The following TTN variants were observed in gnomAD, a reference collection of about 807,000 sequenced individuals.
TTN encodes the protein connectin.
Under a neutral mutation model 3,223.0 loss-of-function variants are expected in TTN, and 1,525 were observed. The observed-to-expected ratio is 0.47, with a 90% CI of 0.45 to 0.49. The LOEUF is 0.49. TTN is among the 20% of genes least tolerant of loss of function. The pLI is 0.00. For missense variants in TTN, 40,786 were observed against 43,424.0 expected (o/e 0.94, Z 5.40); for synonymous variants, 14,094 against 15,161.0 (o/e 0.93, Z 5.17).
chr2:178,647,580 G>T, intron 213 of TTN, 116 bp from the exon 214 acceptor site: 2 of 957,766 alleles, frequency 2.1e-6, no homozygotes, highest in Non-Finnish European at 3.1e-6. Flanking sequence ...TGGGGAAAAT[G>T]GCTTCTGAGA....
At chr2:178,774,180 C>T (rs2091926767) in intron 30 of TTN, 27 bp downstream of exon 30, 2 of 1,614,110 alleles carry the variant, frequency 1.2e-6, no homozygotes, top group Admixed American at 1.7e-5. Context: ...ATGCTCACTG[C>T]AGGCTGACAG....
chr2:178,770,361 T>C (rs1487786450), intron 35 of TTN, 41 bp from the exon 36 acceptor site: 2 of 1,614,142 alleles, frequency 1.2e-6, no homozygotes, highest in Non-Finnish European at 8.5e-7. Flanking sequence ...AGGGTTAACT[T>C]AATGGTAACC....
chr2:178,700,811 TA>T (rs1560488907), intron 111 of TTN, among the ~76,000 whole-genome samples: 1 of 150,770 alleles, frequency 6.6e-6, no homozygotes, highest in East Asian at 1.9e-4. Flanking sequence ...TTGGTTCCAT[TA>T]TTCTTTTTGT....
rs778684724 is a variant in TTN, at chr2:178,717,384, T to C, written c.25352-2A>G. The C allele has an allele frequency of 6.2e-7, 1 of 1,601,540 alleles. No homozygotes were observed. On this transcript the variant is annotated splice_acceptor_variant, in intron 87 of 362. Coordinates refer to ENST00000589042, the MANE Select transcript of TTN (RefSeq NM_001267550.2). LOFTEE classifies it high-confidence loss of function. ...CAAAGAAAGGAGGCACTTCATGCTC[T>C]GAAAAGAATGAAGACCAACATGGTG...
In TTN at chr2:178,702,626, G is replaced by T. The variant is rs1486425150; in HGVS notation, c.30261C>A (p.Ile10087=). Residue 10087 remains isoleucine, a synonymous_variant, in exon 107 of 363, where the codon ATC becomes ATA. Transcript: ENST00000589042. Reference sequence around the variant, plus strand: ...TGGCAGACTGATGCTCACTCACCACGATGTTCTGTATGCGCTTTGTAAACT... The same window carrying T: ...TGGCAGACTGATGCTCACTCACCACTATGTTCTGTATGCGCTTTGTAAACT... ...PIQFTKRIQN[I]VVSEHQSATF... is the part of the protein sequence containing the mutation. The T allele has an allele frequency of 6.2e-7, 1 of 1,613,964 alleles. No individual in the cohort carries two copies. Among genetic ancestry groups the T allele is most frequent in the South Asian group, 1.1e-5 (1 of 91,078 alleles).
rs2742351 is a variant in TTN at position 178,677,172 on chromosome 2, C to G, written c.34378+29G>C. ...TTTATGTGACCAAGCTATGGGTGAA[C>G]AATGTGTATTCACTTTGGGGAGGTG... On this transcript the variant is annotated intron_variant, in intron 147 of 362. Coordinates refer to ENST00000589042, the MANE Select transcript of TTN (RefSeq NM_001267550.2). 0.73 allele frequency: 881,183 copies of G among 1,208,080 alleles called. 322,805 individuals carry two copies. Among genetic ancestry groups the G allele is most frequent in the South Asian group, 0.86 (20,570 of 23,942 alleles). 74.8% of individuals were successfully genotyped at this position (1,208,080 alleles called of 1,614,324 possible). A position where few individuals can be genotyped will look rare whatever the true frequency, so the allele number is the denominator to read the frequency against.
chr2:178,698,302 G>A (rs995180399), intron 112 of TTN, among the ~76,000 whole-genome samples: 2 of 152,138 alleles, frequency 1.3e-5, no homozygotes, highest in Admixed American at 1.3e-4. Flanking sequence ...CTTTTCTTGA[G>A]ATCTGTTGCA....
intron 2 of TTN, among the ~76,000 whole-genome samples, chr2:178,803,471 A>G (rs2094163560): frequency 6.6e-6 from 1 of 151,806 alleles, no homozygotes; most frequent in African/African-American, 2.4e-5. Flanking sequence ...ATATAGACCA[A>G]TGAAAAGGGA....
intron 257 of TTN, 72 bp downstream of exon 257, chr2:178,616,407 A>T (rs2057352039): frequency 1.3e-6 from 2 of 1,579,736 alleles, no homozygotes; most frequent in African/African-American, 2.7e-5. Context: ...AGACTTTTGT[A>T]TGGCATCCCA....
rs267599059 is a variant in TTN, at chr2:178,720,255, C to T, written c.23387G>A (p.Arg7796Gln). Reference protein sequence around the residue: ...SCSVKFKEPPRFVKKLSDTST... With the variant: ...SCSVKFKEPPQFVKKLSDTST... ...GGTGTCACTTAGCTTTTTCACGAATCGTGGAGGTTCTGATGAAAGAAATTT... is the reference window on the plus strand; with the variant it reads ...GGTGTCACTTAGCTTTTTCACGAATTGTGGAGGTTCTGATGAAAGAAATTT... Residue 7796 changes from arginine (R) to glutamine (Q), a missense_variant, in exon 81 of 363, where the codon CGA becomes CAA. Arg to Gln is a conservative substitution (Grantham distance 43, BLOSUM62 1). Transcript: ENST00000589042. 3.9e-5 allele frequency: 62 copies of T among 1,607,882 alleles called. No homozygotes were observed. The African/African-American group carries it at 5.5e-4, about 14-fold the overall frequency.
intron 159 of TTN, among the ~76,000 whole-genome samples, chr2:178,668,553 A>C (rs1045394452): frequency 2.6e-5 from 4 of 151,972 alleles, no homozygotes; most frequent in African/African-American, 9.7e-5. Context: ...CAACATGGTA[A>C]AACCCTGTCT....
In TTN at chr2:178,670,256, A is replaced by G. The variant is rs1232161503; in HGVS notation, c.35348T>C (p.Val11783Ala). Residue 11783 changes from valine to alanine, a missense_variant, in exon 157 of 363, where the codon GTA (valine) becomes GCA (alanine). Physicochemically the swap from Val to Ala is moderately conservative, Grantham distance 64 (BLOSUM62 0). Transcript: ENST00000589042. ...VPKKIVVEEKVRVPEEPRVPP... is the reference protein window; with the variant it reads ...VPKKIVVEEKARVPEEPRVPP... The stretch of plus-strand genomic sequence containing the variant: ...AACTCTGGGCTCTTCAGGAACACGT[A>G]CTTTTTCTTCTACCACAATTTTCTT... 1.3e-6 allele frequency: 2 copies of G among 1,495,882 alleles called. No individual in the cohort carries two copies. The highest frequency in any genetic ancestry group is 2.4e-5 in the Admixed American group (1 of 41,568). 92.7% of individuals were successfully genotyped at this position (1,495,882 alleles called of 1,614,324 possible). A position where few individuals can be genotyped will look rare whatever the true frequency, so the allele number is the denominator to read the frequency against.
chr2:178,764,041 A>T, intron 43 of TTN, 136 bp downstream of exon 43: 7 of 1,300,746 alleles, frequency 5.4e-6, no homozygotes, highest in Non-Finnish European at 7.7e-6. Flanking sequence ...AATTGAAATA[A>T]GTTTTCTGTT....
At chr2:178,764,058 C>G (rs1400683610) in intron 43 of TTN, 119 bp downstream of exon 43, 2 of 1,442,606 alleles carry the variant, frequency 1.4e-6, no homozygotes, top group Non-Finnish European at 1.9e-6. Context: ...TGTTAGATTT[C>G]CATTAAGCTT....
In TTN at chr2:178,632,590, T is replaced by C; in HGVS notation, c.43416A>G (p.Glu14472=). 5.0e-6 allele frequency: 8 copies of C among 1,613,468 alleles called. No homozygotes were observed. The highest frequency in any genetic ancestry group is 6.8e-6 in the Non-Finnish European group (8 of 1,179,578). The stretch of plus-strand genomic sequence containing the variant: ...CTTCAAACATGTATTTTGCTTCATC[T>C]TCAAAAGCAGCTGACTTGATCACCA... ...HSMVIKSAAF[E]DEAKYMFEAE... The change falls in exon 235 of 363, where the codon GAA becomes GAG. Residue 14472 remains glutamate, a synonymous_variant. Transcript: ENST00000589042.
rs972874110 is a variant in TTN, at chr2:178,704,598, G to A, written c.29874C>T (p.Leu9958=). 6.2e-7 allele frequency: 1 copy of A among 1,613,014 alleles called. No homozygotes were observed. Among genetic ancestry groups the A allele is most frequent in the African/African-American group, 1.3e-5 (1 of 74,926 alleles). ...CTTTAAGTTGACAGTTTTTGACTCTGAGTGTATGTCGGTCACCATCAATGC... is the reference window on the plus strand; with the variant it reads ...CTTTAAGTTGACAGTTTTTGACTCTAAGTGTATGTCGGTCACCATCAATGC... ...EISIDGDRHT[L]RVKNCQLKDQ... is the part of the protein sequence containing the mutation. The change falls in exon 105 of 363, where the codon CTC becomes CTT. Residue 9958 remains leucine, a synonymous_variant. Transcript: ENST00000589042.
In TTN at chr2:178,566,473, G is replaced by T; in HGVS notation, c.79659C>A (p.Leu26553=). 2 of 1,613,464 alleles carry T rather than the reference G, an allele frequency of 1.2e-6. No homozygotes were observed. The highest frequency in any genetic ancestry group is 1.7e-6 in the Non-Finnish European group (2 of 1,179,696). Residue 26553 remains leucine (L), a synonymous_variant, in exon 326 of 363, where the codon CTC becomes CTA. Transcript: ENST00000589042. The part of the protein sequence containing the change: ...LRVTRFEISK[L]TEHQEYKIRV... ...GTATTTTATACTCTTGGTGTTCAGT[G>T]AGTTTTGAAATTTCAAATCGAGTGA... is the stretch of plus-strand genomic sequence containing the variant.
chr2:178,653,227 G>C lies in TTN; in HGVS notation c.38791+11C>G, dbSNP rs1273856613. 6.2e-7 allele frequency: 1 copy of C among 1,611,082 alleles called. No individual in the cohort carries two copies. Among genetic ancestry groups the C allele is most frequent in the Non-Finnish European group, 8.5e-7 (1 of 1,178,994 alleles). The stretch of plus-strand genomic sequence containing the variant: ...TTAGATCATCTGAAGCCTAAGGTCA[G>C]TGACAAATACCTTTAACAGGTGGGA... On this transcript the variant is annotated intron_variant, in intron 198 of 362. Transcript: ENST00000589042.
intron 41 of TTN, among the ~76,000 whole-genome samples, chr2:178,765,249 T>C (rs1309798959): frequency 2.0e-5 from 3 of 152,234 alleles, no homozygotes; most frequent in East Asian, 3.8e-4. Context: ...GTTTATGTCA[T>C]AGTCATTTTG....
Sources: gnomAD v4.1 joint callset for allele counts (sites outside exome capture counted in the v4.1 genomes callset) on GRCh38, gnomAD v4.1.1 for gene constraint, MANE v1.5 for transcripts, NCBI Gene and HGNC (gene_info 2026-07-23, HGNC 2026-07-21) for gene names.